Variants in ANKRD55 observed in about 807,000 individuals in gnomAD.
ANKRD55 encodes the protein ankyrin repeat domain-containing protein 55.
Under a neutral mutation model 60.6 loss-of-function variants are expected in ANKRD55, and 41 were observed. That is an observed-to-expected ratio of 0.68 (90% CI 0.53 to 0.88). ANKRD55 has a LOEUF of 0.88. Among genes scored for constraint, ANKRD55 ranks in the 40% least tolerant of loss-of-function variants. The pLI, the probability that ANKRD55 is intolerant of heterozygous loss-of-function variation, is 0.00. For synonymous variants in ANKRD55, 264 were observed against 290.3 expected (o/e 0.91, Z 0.92); for missense variants, 732 against 767.6 (o/e 0.95, Z 0.55).
intron 2 of ANKRD55, among the ~76,000 whole-genome samples, chr5:56,223,326 C>T (rs1323760820): frequency 5.3e-5 from 8 of 152,138 alleles, no homozygotes; most frequent in African/African-American, 1.9e-4. Context: ...CACCACCAGG[C>T]CTGCCCTAAA....
chr5:56,189,123 G>A (rs957134295), intron 2 of ANKRD55, among the ~76,000 whole-genome samples: 4 of 152,050 alleles, frequency 2.6e-5, no homozygotes, highest in African/African-American at 9.7e-5. Flanking sequence ...AGATAAATGT[G>A]TCTACTCTGA....
intron 8 of ANKRD55, among the ~76,000 whole-genome samples, chr5:56,123,172 C>T (rs1242273122): frequency 1.3e-5 from 2 of 151,928 alleles, no homozygotes; most frequent in African/African-American, 4.8e-5. Flanking sequence ...CTCTCCTCAG[C>T]CTTGTGCAGG....
chr5:56,213,397 G>A lies in ANKRD55; in HGVS notation c.58+19459C>T, dbSNP rs562761688. On this transcript the variant is annotated intron_variant, in intron 2 of 11. Coordinates refer to ENST00000341048, the MANE Select transcript of ANKRD55 (RefSeq NM_024669.3). ...GAATTGGACCACTGAAGGTAGGAGC[G>A]GGGATGGATTACTCATCGGACATTT... Among the ~76,000 whole-genome samples, 225 of 151,998 alleles carry A rather than the reference G, an allele frequency of 1.5e-3. 2 individuals carry two copies. Among genetic ancestry groups the A allele is most frequent in the African/African-American group, 5.0e-3 (208 of 41,450 alleles).
intron 5 of ANKRD55, among the ~76,000 whole-genome samples, chr5:56,167,962 G>C (rs1758522414): frequency 6.6e-6 from 1 of 152,220 alleles, no homozygotes; most frequent in Non-Finnish European, 1.5e-5. Context: ...AATTTTGACT[G>C]ACAAGGCTTA....
chr5:56,126,792 C>T, intron 8 of ANKRD55, 130 bp downstream of exon 8: 1 of 1,009,790 alleles, frequency 9.9e-7, no homozygotes, highest in South Asian at 2.5e-5. Flanking sequence ...TTTATTGTCA[C>T]AAGCCCATGT....
At chr5:56,154,261 C>T (rs1385762654) in intron 6 of ANKRD55, among the ~76,000 whole-genome samples, 2 of 111,930 alleles carry the variant, frequency 1.8e-5, no homozygotes, top group African/African-American at 3.3e-5. Flanking sequence ...TTTTTTTAAA[C>T]AATGAATTTA....
chr5:56,225,099 A>G (rs1760074135), intron 2 of ANKRD55, among the ~76,000 whole-genome samples: 2 of 152,184 alleles, frequency 1.3e-5, no homozygotes, highest in Non-Finnish European at 2.9e-5. Flanking sequence ...ATACTGGCAA[A>G]CCGAACCCAG....
chr5:56,190,991 G>C (rs1436311118), intron 2 of ANKRD55, among the ~76,000 whole-genome samples: 1 of 152,174 alleles, frequency 6.6e-6, no homozygotes, highest in African/African-American at 2.4e-5. Flanking sequence ...GAATGGTCTT[G>C]GCACTCTTGT....
chr5:56,151,814 G>GA (rs35624717), intron 6 of ANKRD55, among the ~76,000 whole-genome samples: 39,107 of 120,102 alleles, frequency 0.33, 5,460 homozygotes, highest in African/African-American at 0.36. Context: ...CCACATCTCG[G>GA]AAAAAAAAAA....
intron 2 of ANKRD55, among the ~76,000 whole-genome samples, chr5:56,224,452 T>A (rs1353797269): frequency 1.3e-5 from 2 of 151,896 alleles, no homozygotes; most frequent in Non-Finnish European, 2.9e-5. Flanking sequence ...GCAAACACAT[T>A]CAAAAGCTAG....
At chr5:56,209,205 C>T (rs1456824274) in intron 2 of ANKRD55, among the ~76,000 whole-genome samples, 2 of 152,156 alleles carry the variant, frequency 1.3e-5, no homozygotes, top group Non-Finnish European at 2.9e-5. Flanking sequence ...GATCTACCCC[C>T]CTCGGCCTCC....
intron 4 of ANKRD55, among the ~76,000 whole-genome samples, chr5:56,171,726 C>T (rs902730019): frequency 6.6e-6 from 1 of 152,168 alleles, no homozygotes; most frequent in East Asian, 1.9e-4. Context: ...AAGCAGGCTT[C>T]CCACCTTCCT....
intron 7 of ANKRD55, among the ~76,000 whole-genome samples, chr5:56,133,228 C>A (rs985185075): frequency 3.3e-5 from 5 of 150,168 alleles, no homozygotes; most frequent in African/African-American, 1.3e-4. Flanking sequence ...ATCACAAGGT[C>A]GGGAGTTCGA....
chr5:56,147,016 C>T (rs933931836), intron 6 of ANKRD55, among the ~76,000 whole-genome samples: 1 of 151,862 alleles, frequency 6.6e-6, no homozygotes, highest in Non-Finnish European at 1.5e-5. Flanking sequence ...TCTCTTTAAA[C>T]AACCGCAAGA....
At chr5:56,173,578 CTCTCTATA>C (rs1432718738) in intron 4 of ANKRD55, among the ~76,000 whole-genome samples, 215 of 71,636 alleles carry the variant, frequency 3.0e-3, no homozygotes, top group African/African-American at 0.011. Context: ...CTCTCTCTCT[CTCTCTATA>C]TATATATATA....
rs538892627 is a variant in ANKRD55, at chr5:56,186,331, C to A, written c.59-2697G>T. Among the ~76,000 whole-genome samples the A allele has an allele frequency of 7.2e-5, 11 of 152,244 alleles. No individual in the cohort carries two copies. The South Asian group carries it at 2.3e-3, about 32-fold the overall frequency. On this transcript the variant is annotated intron_variant, in intron 2 of 11. Coordinates refer to ENST00000341048, the MANE Select transcript of ANKRD55 (RefSeq NM_024669.3). The stretch of plus-strand genomic sequence containing the variant: ...TACAGACATGCACCACCACGCCCAG[C>A]TAATTTTTGTATTTTTTGTAGAGAT...
chr5:56,164,408 A>T (rs1561276900), intron 5 of ANKRD55, among the ~76,000 whole-genome samples: 5 of 152,176 alleles, frequency 3.3e-5, no homozygotes, highest in Admixed American at 3.3e-4. Context: ...CAAACACTGC[A>T]GGTCAGAACA....
intron 5 of ANKRD55, among the ~76,000 whole-genome samples, chr5:56,168,280 T>C (rs1426416180): frequency 6.6e-6 from 1 of 152,208 alleles, no homozygotes; most frequent in Non-Finnish European, 1.5e-5. Context: ...CAGTTCACTG[T>C]GGTTCAAAAA....
intron 2 of ANKRD55, among the ~76,000 whole-genome samples, chr5:56,187,374 G>T (rs889616621): frequency 6.6e-6 from 1 of 152,226 alleles, no homozygotes; most frequent in African/African-American, 2.4e-5. Flanking sequence ...GAGCACAGCG[G>T]GAGGGACAAT....
Sources: allele counts gnomAD v4.1 joint callset (sites outside exome capture counted in the v4.1 genomes callset), GRCh38; gene constraint gnomAD v4.1.1; transcripts MANE v1.5; gene names NCBI Gene and HGNC (gene_info 2026-07-23, HGNC 2026-07-21).